TLR1: variants seen among roughly 807,000 people sequenced by gnomAD.
TLR1 encodes toll like receptor 1.
TLR1 carries 19 observed loss-of-function variants against 20.2 expected under a neutral mutation model. The observed-to-expected ratio is 0.94, with a 90% CI of 0.66 to 1.38. The LOEUF (loss-of-function observed/expected upper bound fraction) is 1.38, where lower values mean the gene tolerates loss of function less well. Ranked by LOEUF, TLR1 falls within the 40% of genes most tolerant of loss-of-function variation. TLR1 has a pLI of 0.00. For missense variants in TLR1, 921 were observed against 910.0 expected (o/e 1.01, Z -0.16); for synonymous variants, 320 against 334.5 (o/e 0.96, Z 0.47).
Position 38,797,614 on chromosome 4 carries a change from G to A in TLR1, c.1218C>T (p.Ser406=), listed in dbSNP as rs747700974. ...QMKSLQQLDI[S]QNSVSYDEKK... The stretch of plus-strand genomic sequence containing the variant: ...TTTCATCATAGCTTACAGAATTCTG[G>A]CTAATATCCAATTGTTGCAGAGACT... Residue 406 remains serine (S), a synonymous_variant, in exon 4 of 4, where the codon AGC becomes AGT. Coordinates refer to ENST00000308979, the MANE Select transcript of TLR1 (RefSeq NM_003263.4). 1.9e-6 allele frequency: 3 copies of A among 1,613,614 alleles called. No individual in the cohort carries two copies. The South Asian group carries it at 3.3e-5, about 18-fold the overall frequency.
At chr4:38,792,853 T>TTTTATATATATATA (rs150259151), downstream of TLR1, among the ~76,000 whole-genome samples, 12 of 122,252 alleles carry the variant, frequency 9.8e-5, 2 homozygotes, top group African/African-American at 3.0e-4. Flanking sequence ...TATTTTCAAA[T>TTTTATATATATATA]TATATATATA....
downstream of TLR1, among the ~76,000 whole-genome samples, chr4:38,793,689 C>T (rs949244093): frequency 9.9e-5 from 15 of 152,042 alleles, no homozygotes; most frequent in African/African-American, 3.6e-4. Flanking sequence ...ACTTTAGGTT[C>T]CTTTCAGGGA....
Position 38,797,156 on chromosome 4 carries a change from G to T in TLR1, c.1676C>A (p.Pro559Gln), listed in dbSNP as rs568135901. The T allele has an allele frequency of 1.2e-6, 2 of 1,614,218 alleles. No homozygotes were observed. The highest frequency in any genetic ancestry group is 2.7e-5 in the African/African-American group (2 of 75,036). The change falls in exon 4 of 4, where the codon CCG becomes CAG. Residue 559 changes from proline (P) to glutamine (Q), a missense_variant. Physicochemically the swap from Pro to Gln is moderately conservative, Grantham distance 76. Coordinates refer to ENST00000308979, the MANE Select transcript of TLR1 (RefSeq NM_003263.4). ...GWPDSYKCDY[P>Q]ESYRGTLLKD... ...TAGTAGGGTTCCTCTATAACTTTCC[G>T]GGTAGTCACACTTATAAGAATCAGG...
In TLR1 at chr4:38,798,364, C is replaced by T; in HGVS notation, c.468G>A (p.Val156=). The stretch of plus-strand genomic sequence containing the variant: ...TGATATTCAAATGAGCAATTGGCAG[C>T]ACACTAGATTTTTCTAAGTGTGTGG... ...LSTTHLEKSS[V]LPIAHLNISK... Residue 156 remains valine (V), a synonymous_variant, in exon 4 of 4, where the codon GTG becomes GTA. Transcript: ENST00000308979. 1 of 1,613,922 alleles carries T rather than the reference C, an allele frequency of 6.2e-7. No homozygotes were observed. The highest frequency in any genetic ancestry group is 8.5e-7 in the Non-Finnish European group (1 of 1,179,946).
At chr4:38,790,581 C>T (rs1440814135), downstream of TLR1, 4 of 152,012 alleles carry the variant, frequency 2.6e-5, no homozygotes, top group East Asian at 3.9e-4. Flanking sequence ...TTGAACTGTT[C>T]GTTTTGCTGG....
downstream of TLR1, among the ~76,000 whole-genome samples, chr4:38,795,141 A>T (rs1461168446): frequency 6.6e-6 from 1 of 152,192 alleles, no homozygotes; most frequent in African/African-American, 2.4e-5. Context: ...CCAAGAATAG[A>T]AGAAAGGAGC....
Position 38,796,806 on chromosome 4 carries a change from C to A in TLR1, c.2026G>T (p.Gly676Cys). 3 of 1,614,230 alleles carry A rather than the reference C, an allele frequency of 1.9e-6. No homozygotes were observed. Among genetic ancestry groups the A allele is most frequent in the Non-Finnish European group, 2.5e-6 (3 of 1,180,054 alleles). The change falls in exon 4 of 4, where the codon GGC (glycine) becomes TGC (cysteine). Residue 676 changes from glycine to cysteine, a missense_variant. Gly to Cys is a radical substitution (Grantham distance 159). Coordinates refer to ENST00000308979, the MANE Select transcript of TLR1 (RefSeq NM_003263.4). ...ATGATATTTTCCACAATGCTCTTGC[C>A]AGGAACAAAGTTTCTCTCATGAAGG... ...ICLHERNFVP[G>C]KSIVENIITC...
In TLR1 at chr4:38,797,910, C is replaced by G. The variant is rs771244263; in HGVS notation, c.922G>C (p.Val308Leu). 1 of 1,614,092 alleles carries G rather than the reference C, an allele frequency of 6.2e-7. No individual in the cohort carries two copies. Among genetic ancestry groups the G allele is most frequent in the Admixed American group, 1.7e-5 (1 of 60,022 alleles). ...TGCGGAAAACCGAACACATCGCTGA[C>G]AACTTGGTGTATAGACAAGGCCTTC... is the stretch of plus-strand genomic sequence containing the variant. Reference protein sequence around the residue: ...SLKALSIHQVVSDVFGFPQSY... With the variant: ...SLKALSIHQVLSDVFGFPQSY... The change falls in exon 4 of 4, where the codon GTC (valine) becomes CTC (leucine). Residue 308 changes from valine (V) to leucine (L), a missense_variant. Physicochemically the swap from Val to Leu is conservative, Grantham distance 32. Transcript: ENST00000308979.
downstream of TLR1, among the ~76,000 whole-genome samples, chr4:38,790,470 T>C (rs1009034497): frequency 2.6e-5 from 4 of 152,084 alleles, no homozygotes; most frequent in African/African-American, 7.3e-5. Context: ...ATTCTTTGTA[T>C]GTAACCTGGT....
chr4:38,791,770 A>C (rs1400142342), downstream of TLR1, among the ~76,000 whole-genome samples: 2 of 152,248 alleles, frequency 1.3e-5, no homozygotes, highest in African/African-American at 4.8e-5. Flanking sequence ...GCTTAATGCC[A>C]GGAACTGTTC....
intron 3 of TLR1, 135 bp from the exon 4 acceptor site, chr4:38,799,033 G>A: frequency 2.1e-6 from 1 of 482,212 alleles, no homozygotes; most frequent in Non-Finnish European, 3.7e-6. Context: ...GGGTTACATG[G>A]CCTAAAACTA....
chr4:38,798,031 C>A lies in TLR1; in HGVS notation c.801G>T (p.Leu267=), dbSNP rs374742061. Residue 267 remains leucine, a synonymous_variant, in exon 4 of 4, where the codon CTG becomes CTT. Transcript: ENST00000308979. ...AATACCATACAGTTGTATGCCAAAC[C>A]AGCTGGAGGATCCTAATGAAAGAAT... The part of the protein sequence containing the change: ...TWNSFIRILQ[L]VWHTTVWYFS... The A allele has an allele frequency of 1.1e-5, 18 of 1,613,978 alleles. No individual in the cohort carries two copies. The African/African-American group carries it at 2.4e-4, about 22-fold the overall frequency.
downstream of TLR1, among the ~76,000 whole-genome samples, chr4:38,788,125 AAAATT>A (rs369867539): frequency 3.4e-4 from 51 of 148,848 alleles, no homozygotes; most frequent in African/African-American, 1.2e-3. Flanking sequence ...ATATGAAAGA[AAAATT>A]AAAGAGGAAA....
In TLR1 at chr4:38,797,186, C is replaced by T; in HGVS notation, c.1646G>A (p.Gly549Asp). 3.1e-6 allele frequency: 5 copies of T among 1,614,204 alleles called. No homozygotes were observed. The highest frequency in any genetic ancestry group is 4.2e-6 in the Non-Finnish European group (5 of 1,180,024). Residue 549 changes from glycine (G) to aspartate (D), a missense_variant, in exon 4 of 4, where the codon GGC becomes GAC. Coordinates refer to ENST00000308979, the MANE Select transcript of TLR1 (RefSeq NM_003263.4). ...GTCACACTTATAAGAATCAGGCCAG[C>T]CCTCTAACACTTCACTTGATACTTG... ...IDQVSSEVLE[G>D]WPDSYKCDYP...
At position 38,798,819 on chromosome 4, in the gene TLR1, A is replaced by G. The variant is rs1726423127; in HGVS notation, c.13T>C (p.Phe5Leu). 1 of 1,596,122 alleles carries G rather than the reference A, an allele frequency of 6.3e-7. No homozygotes were observed. The highest frequency in any genetic ancestry group is 1.1e-5 in the South Asian group (1 of 88,466). ...AACATGAAGATAATGGCAAAATGGA[A>G]GATGCTAGTCATTTTGGAACACTAG... The part of the protein sequence containing the change: MTSI[F>L]HFAIIFMLIL... Residue 5 changes from phenylalanine (F) to leucine (L), a missense_variant, in exon 4 of 4, where the codon TTC becomes CTC. By Grantham distance (22) the Phe-to-Leu change is conservative. Transcript: ENST00000308979.
At chr4:38,793,846 T>C (rs1030465023), downstream of TLR1, among the ~76,000 whole-genome samples, 1 of 151,576 alleles carries the variant, frequency 6.6e-6, no homozygotes, top group African/African-American at 2.4e-5. Context: ...ATGAGGTCAT[T>C]AGAGTGGGCC....
chr4:38,798,758 C>G lies in TLR1; in HGVS notation c.74G>C (p.Ser25Thr). 16 of 1,612,420 alleles carry G rather than the reference C, an allele frequency of 9.9e-6. No homozygotes were observed. The highest frequency in any genetic ancestry group is 1.4e-5 in the Non-Finnish European group (16 of 1,179,762). The change falls in exon 4 of 4, where the codon AGT becomes ACT. Residue 25 changes from serine (S) to threonine (T), a missense_variant. Coordinates refer to ENST00000308979, the MANE Select transcript of TLR1 (RefSeq NM_003263.4). ...TTTTGACCTATCAACTAAAAATTCA[C>G]TTTCTTCAGATAATTGTATTCTGAT... ...LQIRIQLSEE[S>T]EFLVDRSKNG...
intron 2 of TLR1, among the ~76,000 whole-genome samples, chr4:38,803,536 T>G (rs1258156335): frequency 6.6e-6 from 1 of 152,250 alleles, no homozygotes; most frequent in Non-Finnish European, 1.5e-5. Context: ...GTCATTAATT[T>G]TAAGTACTCA....
intron 2 of TLR1, among the ~76,000 whole-genome samples, chr4:38,803,558 C>A (rs1055876117): frequency 2.0e-5 from 3 of 152,146 alleles, no homozygotes; most frequent in African/African-American, 7.2e-5. Flanking sequence ...TTTATGAAAC[C>A]ATTCTTATTT....
Sources: gnomAD v4.1 joint callset for allele counts (sites outside exome capture counted in the v4.1 genomes callset) on GRCh38, gnomAD v4.1.1 for gene constraint, MANE v1.5 for transcripts, NCBI Gene and HGNC (gene_info 2026-07-23, HGNC 2026-07-21) for gene names.